Variants in ANK1 observed in about 807,000 individuals in gnomAD.
ANK1 encodes ankyrin 1.
ANK1 carries 51 observed loss-of-function variants against 210.4 expected under a neutral mutation model. The observed-to-expected ratio is 0.24, with a 90% CI of 0.19 to 0.31. The LOEUF (loss-of-function observed/expected upper bound fraction) is 0.31, where lower values mean the gene tolerates loss of function less well. Ranked by LOEUF, ANK1 falls within the 10% of genes least tolerant of loss-of-function variation. The probability of loss-of-function intolerance (pLI) is 1.00; values close to 1 mark genes in which losing one functional copy is unlikely to be tolerated. For synonymous variants in ANK1, 967 were observed against 1,025.9 expected, an observed-to-expected ratio of 0.94 and a Z score of 1.10; for missense variants, 2,051 against 2,504.4, an observed-to-expected ratio of 0.82 and a Z score of 3.86.
At chr8:41,844,135 A>G (rs983420408) in intron 1 of ANK1, among the ~76,000 whole-genome samples, 1 of 152,162 alleles carries the variant, frequency 6.6e-6, no homozygotes, top group African/African-American at 2.4e-5. Flanking sequence ...GGCTTCCCAA[A>G]GTGTTGGGAT....
In ANK1 at chr8:41,695,170, C is replaced by A. The variant is rs1563455653; in HGVS notation, c.3115+7G>T. The A allele has an allele frequency of 3.1e-6, 5 of 1,614,124 alleles. No homozygotes were observed. The highest frequency in any genetic ancestry group is 1.7e-5 in the Admixed American group (1 of 60,030). Reference sequence around the variant, plus strand: ...GGGGACCCAGCCCTGGGATCCCCCGCCCCTACCTTCGTCCATCCCGTTGAG... The same window carrying A: ...GGGGACCCAGCCCTGGGATCCCCCGACCCTACCTTCGTCCATCCCGTTGAG... On this transcript the variant is annotated splice_region_variant and intron_variant, in intron 27 of 42. Transcript: ENST00000289734.
chr8:41,661,649 G>C, intron 41 of ANK1, 85 bp from the exon 42 acceptor site: 1 of 1,603,832 alleles, frequency 6.2e-7, no homozygotes, highest in Non-Finnish European at 8.5e-7. Context: ...AGGCCACACG[G>C]AGGTGGCAGA....
At chr8:41,802,851 C>T (rs545065109) in intron 1 of ANK1, among the ~76,000 whole-genome samples, 162 of 144,566 alleles carry the variant, frequency 1.1e-3, no homozygotes, top group Non-Finnish European at 1.7e-3. Context: ...TCATTGAGGC[C>T]GCAGTGAGCG....
At chr8:41,681,027 T>A (rs770082950) in intron 37 of ANK1, among the ~76,000 whole-genome samples, 6 of 152,154 alleles carry the variant, frequency 3.9e-5, no homozygotes, top group Non-Finnish European at 5.9e-5. Context: ...TGGGGCAGCA[T>A]ACAGTCAAGT....
intron 37 of ANK1, among the ~76,000 whole-genome samples, chr8:41,684,185 C>A (rs937422793): frequency 1.3e-5 from 2 of 152,248 alleles, no homozygotes; most frequent in African/African-American, 4.8e-5. Context: ...CAAAGAGCTA[C>A]CGGAAAGTCT....
At chr8:41,659,091 AAT>A (rs1806873760) in intron 42 of ANK1, among the ~76,000 whole-genome samples, 1 of 152,184 alleles carries the variant, frequency 6.6e-6, no homozygotes, top group South Asian at 2.1e-4. Flanking sequence ...CGCCTTATGT[AAT>A]ATATAGGGTT....
chr8:41,808,861 T>C (rs1851364214), intron 1 of ANK1, among the ~76,000 whole-genome samples: 1 of 152,208 alleles, frequency 6.6e-6, no homozygotes, highest in South Asian at 2.1e-4. Flanking sequence ...CTGCCTGAAG[T>C]CACAGCTTAT....
chr8:41,695,061 C>G lies in ANK1; in HGVS notation c.3115+116G>C, dbSNP rs926051836. 6 of 1,429,144 alleles carry G rather than the reference C, an allele frequency of 4.2e-6. No individual in the cohort carries two copies. In the Admixed American group the frequency reaches 8.4e-5, roughly 20 times the overall value. 88.5% of individuals were successfully genotyped at this position (1,429,144 alleles called of 1,614,324 possible). ...CAGGGCTTGTCCACACCAGGCCATT[C>G]TCAGCCTCTTGGGGCTTCCCAAACT... On this transcript the variant is annotated intron_variant, in intron 27 of 42. Transcript: ENST00000289734.
intron 1 of ANK1, among the ~76,000 whole-genome samples, chr8:41,859,717 C>T (rs1385634650): frequency 1.3e-5 from 2 of 152,238 alleles, no homozygotes; most frequent in Admixed American, 6.5e-5. Context: ...ATTTCTTCCT[C>T]GGCTATGTTG....
chr8:41,886,410 C>T (rs549916750), intron 1 of ANK1, among the ~76,000 whole-genome samples: 3 of 152,344 alleles, frequency 2.0e-5, no homozygotes, highest in Non-Finnish European at 4.4e-5. Context: ...TATTGAGCAA[C>T]TTGCTCAAAG....
At position 41,684,644 on chromosome 8, in the gene ANK1, G is replaced by A. The variant is rs769200452; in HGVS notation, c.4437C>T (p.Ile1479=). 10 of 1,613,876 alleles carry A rather than the reference G, an allele frequency of 6.2e-6. No homozygotes were observed. The highest frequency in any genetic ancestry group is 1.6e-4 in the Middle Eastern group (1 of 6,062). The change falls in exon 37 of 43, where the codon ATC becomes ATT. Residue 1479 remains isoleucine, a synonymous_variant. Coordinates refer to ENST00000289734, the MANE Select transcript of ANK1 (RefSeq NM_000037.4). ...GGCCGGAACCCTCCAGCATGTTCAC[G>A]ATCTCGCCACGGTCAATGCTCTGCA... The part of the protein sequence containing the change: ...TALQSIDRGE[I]VNMLEGSGRQ...
chr8:41,818,817 C>T (rs1035750978), intron 1 of ANK1, among the ~76,000 whole-genome samples: 5 of 152,182 alleles, frequency 3.3e-5, no homozygotes, highest in African/African-American at 1.2e-4. Context: ...TGGTTGAATT[C>T]TTTCAAACAA....
In ANK1 at chr8:41,695,327, C is replaced by T; in HGVS notation, c.2965G>A (p.Val989Ile). Residue 989 changes from valine to isoleucine, a missense_variant, in exon 27 of 43, where the codon GTA becomes ATA. Val to Ile is a conservative substitution (Grantham distance 29, BLOSUM62 3). Around this residue, in one of 6 missense-constraint regions of ANK1, gnomAD observed 1,413 missense variants for 1,707.4 expected, o/e 0.83. Transcript: ENST00000289734. Reference protein sequence around the residue: ...GPTGAQFLSPVIVEIPHFASH... With the variant: ...GPTGAQFLSPIIVEIPHFASH... ...GCAAAGTGCGGGATCTCCACGATTACAGGGCTGAGGCAAGGACACAGTGGT... is the reference window on the plus strand; with the variant it reads ...GCAAAGTGCGGGATCTCCACGATTATAGGGCTGAGGCAAGGACACAGTGGT... The T allele has an allele frequency of 6.2e-7, 1 of 1,613,962 alleles. No individual in the cohort carries two copies. Among genetic ancestry groups the T allele is most frequent in the Non-Finnish European group, 8.5e-7 (1 of 1,180,004 alleles).
At chr8:41,762,351 A>G (rs922869072) in intron 1 of ANK1, among the ~76,000 whole-genome samples, 18 of 151,308 alleles carry the variant, frequency 1.2e-4, no homozygotes, top group East Asian at 1.2e-3. Context: ...AAATCTAGGA[A>G]CCACAAAACA....
intron 2 of ANK1, among the ~76,000 whole-genome samples, chr8:41,744,672 G>A (rs1005628808): frequency 8.6e-5 from 13 of 152,044 alleles, no homozygotes; most frequent in Non-Finnish European, 1.5e-4. Context: ...AAGTAGCTGG[G>A]ACTACAGGCC....
At chr8:41,819,459 A>G (rs1803849642) in intron 1 of ANK1, among the ~76,000 whole-genome samples, 1 of 152,150 alleles carries the variant, frequency 6.6e-6, no homozygotes, top group Admixed American at 6.5e-5. Context: ...GAAAGCTAAG[A>G]CCTTCATTGC....
intron 2 of ANK1, among the ~76,000 whole-genome samples, chr8:41,752,040 C>A (rs550179461): frequency 6.6e-6 from 1 of 152,270 alleles, no homozygotes; most frequent in South Asian, 2.1e-4. Context: ...CCTGCTCTCC[C>A]AAGAATACTG....
At chr8:41,802,985 G>C (rs1482270574) in intron 1 of ANK1, among the ~76,000 whole-genome samples, 1 of 79,090 alleles carries the variant, frequency 1.3e-5, no homozygotes, top group African/African-American at 4.8e-5. Context: ...AAAAAAGAAA[G>C]AGAGAAAGAG....
At chr8:41,793,550 TGAA>T (rs1283381480) in intron 1 of ANK1, among the ~76,000 whole-genome samples, 2 of 152,202 alleles carry the variant, frequency 1.3e-5, no homozygotes, top group African/African-American at 4.8e-5. Flanking sequence ...TGGTTGTGTG[TGAA>T]GAATGGATTA....
Sources: gnomAD v4.1 joint callset for allele counts (sites outside exome capture counted in the v4.1 genomes callset) on GRCh38, gnomAD v4.1.1 for gene constraint, gnomAD v4.1.1 regional missense constraint, MANE v1.5 for transcripts, NCBI Gene and HGNC (gene_info 2026-07-23, HGNC 2026-07-21) for gene names.